BLM: variants seen among roughly 807,000 people sequenced by gnomAD.
BLM encodes BLM RecQ like helicase.
A neutral mutation model predicts 135.3 loss-of-function variants in BLM; 95 were observed. The observed-to-expected ratio is 0.70, with a 90% CI of 0.59 to 0.83. The LOEUF is 0.83. Ranked by LOEUF, BLM falls within the 40% of genes least tolerant of loss-of-function variation. The pLI is 0.00. For synonymous variants in BLM, 520 were observed against 589.2 expected, an observed-to-expected ratio of 0.88 and a Z score of 1.70; for missense variants, 1,518 against 1,663.9, an observed-to-expected ratio of 0.91 and a Z score of 1.53.
In BLM at chr15:90,760,869, C is replaced by T. The variant is rs778700833; in HGVS notation, c.1496C>T (p.Ser499Phe). Reference protein sequence around the residue: ...RPLFNTHLQKSFVSSNWAETP... With the variant: ...RPLFNTHLQKFFVSSNWAETP... ...TTATTCAATACCCATTTACAGAAGT[C>T]CTTTGTAAGTAGCAACTGGGCTGAA... Residue 499 changes from serine (S) to phenylalanine (F), a missense_variant, in exon 7 of 22, where the codon TCC (serine) becomes TTC (phenylalanine). Around this residue, in one of 5 missense-constraint regions of BLM, gnomAD observed 724 missense variants for 756.9 expected, o/e 0.96. Transcript: ENST00000355112. 22 of 1,613,880 alleles carry T rather than the reference C, an allele frequency of 1.4e-5. No individual in the cohort carries two copies. The highest frequency in any genetic ancestry group is 1.7e-5 in the Admixed American group (1 of 59,992).
chr15:90,784,829 T>C, intron 13 of BLM, 92 bp from the exon 14 acceptor site: 1 of 1,353,668 alleles, frequency 7.4e-7, no homozygotes, highest in South Asian at 1.3e-5. Flanking sequence ...GAGATCTATT[T>C]ATGGTTCATA....
intron 1 of BLM, among the ~76,000 whole-genome samples, chr15:90,717,809 A>G (rs1894647966): frequency 2.0e-5 from 3 of 152,252 alleles, no homozygotes; most frequent in Admixed American, 2.0e-4. Flanking sequence ...CTCCTGAGGA[A>G]CAACGAAAAC....
intron 19 of BLM, among the ~76,000 whole-genome samples, chr15:90,804,772 G>C (rs1350961573): frequency 1.3e-5 from 2 of 152,148 alleles, no homozygotes; most frequent in African/African-American, 4.8e-5. Context: ...CCTGGCCTCA[G>C]TTGTTTTAAT....
intron 5 of BLM, 72 bp downstream of exon 5, chr15:90,755,010 G>A (rs1424317039): frequency 6.4e-7 from 1 of 1,571,358 alleles, no homozygotes; most frequent in Non-Finnish European, 8.7e-7. Flanking sequence ...CACAAAGATT[G>A]TGTTTTGAAC....
chr15:90,776,440 T>G lies in BLM; in HGVS notation c.2556-6382T>G, dbSNP rs114556854. ...GGAAGAGTTGGGGAAATCAAAATACTGTTAGTTTCAGTATACCTTTCCAAT... is the reference window on the plus strand; with the variant it reads ...GGAAGAGTTGGGGAAATCAAAATACGGTTAGTTTCAGTATACCTTTCCAAT... On this transcript the variant is annotated intron_variant, in intron 12 of 21. Coordinates refer to ENST00000355112, the MANE Select transcript of BLM (RefSeq NM_000057.4). Among the ~76,000 whole-genome samples, 48 of 152,358 alleles carry G rather than the reference T, an allele frequency of 3.2e-4. 1 individual carries two copies. Among genetic ancestry groups the G allele is most frequent in the African/African-American group, 1.1e-3 (46 of 41,592 alleles).
intron 1 of BLM, among the ~76,000 whole-genome samples, chr15:90,740,786 T>G (rs1895343789): frequency 6.6e-6 from 1 of 152,198 alleles, no homozygotes; most frequent in East Asian, 1.9e-4. Flanking sequence ...CTGATGGTTT[T>G]ATAAAAGGCA....
At chr15:90,797,259 C>G (rs184024932) in intron 16 of BLM, among the ~76,000 whole-genome samples, 100 of 151,850 alleles carry the variant, frequency 6.6e-4, no homozygotes, top group African/African-American at 2.3e-3. Flanking sequence ...ACTAAAAATA[C>G]AGACAAATTA....
chr15:90,770,075 C>T (rs899654929), intron 12 of BLM, among the ~76,000 whole-genome samples: 4 of 151,880 alleles, frequency 2.6e-5, no homozygotes, highest in African/African-American at 7.3e-5. Context: ...TGTCGAATAG[C>T]TTTTTTACTT....
chr15:90,784,212 C>G (rs1896684767), intron 13 of BLM, among the ~76,000 whole-genome samples: 1 of 151,732 alleles, frequency 6.6e-6, no homozygotes, highest in South Asian at 2.1e-4. Context: ...TGTTTATGTC[C>G]TTGTATCACT....
chr15:90,797,913 TTGTGTGTGTGTC>T (rs1897068986), intron 16 of BLM, among the ~76,000 whole-genome samples: 1 of 152,062 alleles, frequency 6.6e-6, no homozygotes, highest in African/African-American at 2.4e-5. Context: ...AATTGTGTGT[TTGTGTGTGTGTC>T]TGTGTGTTAT....
intron 12 of BLM, 39 bp from the exon 13 acceptor site, chr15:90,782,783 T>G (rs1186828453): frequency 1.4e-6 from 2 of 1,473,626 alleles, no homozygotes; most frequent in South Asian, 2.3e-5. Flanking sequence ...AGTCATATTT[T>G]CTCATAATAA....
At position 90,725,321 on chromosome 15, in the gene BLM, A is replaced by G. The variant is rs115425283; in HGVS notation, c.-5+7881A>G. On this transcript the variant is annotated intron_variant, in intron 1 of 21. Transcript: ENST00000355112. ...TTCAAAAGTGCTTGCACTCCCACCA[A>G]TGTATTAGATTTTCCGTTGCTCTGC... 3.1e-3 allele frequency among the ~76,000 whole-genome samples: 467 copies of G among 152,194 alleles called. 4 individuals carry two copies. The highest frequency in any genetic ancestry group is 0.011 in the African/African-American group (446 of 41,534).
At position 90,794,365 on chromosome 15, in the gene BLM, AAG is replaced by A; in HGVS notation, c.3210+10_3210+11del. On this transcript the variant is annotated intron_variant, in intron 16 of 21. Transcript: ENST00000355112. ...AATTGCTGTAAAACAAAGGTAAAAA[AAG>A]AAGTTTTAAAATTCTTTATAATTAA... 1 of 1,551,032 alleles carries A rather than the reference AAG, an allele frequency of 6.4e-7. No homozygotes were observed. Among genetic ancestry groups the A allele is most frequent in the Non-Finnish European group, 8.7e-7 (1 of 1,150,502 alleles).
At chr15:90,773,503 T>G (rs567254664) in intron 12 of BLM, among the ~76,000 whole-genome samples, 72 of 145,368 alleles carry the variant, frequency 5.0e-4, no homozygotes, top group Admixed American at 7.0e-4. Context: ...AGTTGACACT[T>G]CAATGGCCTT....
At chr15:90,747,795 G>GTTTGT (rs202233090) in intron 2 of BLM, 55 of 327,952 alleles carry the variant, frequency 1.7e-4, no homozygotes, top group Admixed American at 1.5e-3. Context: ...GGGTTTTTTT[G>GTTTGT]TTTGTTTTGT....
At chr15:90,723,056 G>A (rs1004441248) in intron 1 of BLM, among the ~76,000 whole-genome samples, 3 of 152,088 alleles carry the variant, frequency 2.0e-5, no homozygotes, top group African/African-American at 4.8e-5. Context: ...TGGCCAGGCT[G>A]GTCTTAAACT....
intron 1 of BLM, among the ~76,000 whole-genome samples, chr15:90,735,373 A>T (rs72751825): frequency 2.6e-5 from 4 of 151,202 alleles, no homozygotes; most frequent in Non-Finnish European, 5.9e-5. Flanking sequence ...TCTAAAGTTC[A>T]TATAGAAAAA....
At chr15:90,763,223 A>G (rs1174695117) in intron 8 of BLM, 66 bp downstream of exon 8, 10 of 1,509,448 alleles carry the variant, frequency 6.6e-6, no homozygotes, top group Non-Finnish European at 9.2e-6. Context: ...GCTCTTTAAT[A>G]GAAATAAAAA....
At chr15:90,791,605 C>A (rs537788694) in intron 15 of BLM, among the ~76,000 whole-genome samples, 2 of 151,790 alleles carry the variant, frequency 1.3e-5, no homozygotes, top group Non-Finnish European at 2.9e-5. Context: ...CCTCCCTATA[C>A]AAATATCTTT....
Sources: gnomAD v4.1 joint callset for allele counts (sites outside exome capture counted in the v4.1 genomes callset) on GRCh38, gnomAD v4.1.1 for gene constraint, gnomAD v4.1.1 regional missense constraint, MANE v1.5 for transcripts, NCBI Gene and HGNC (gene_info 2026-07-23, HGNC 2026-07-21) for gene names.